Variants in RIMS2 observed in about 807,000 individuals in gnomAD.
RIMS2 encodes the protein regulating synaptic membrane exocytosis 2.
RIMS2 carries 59 observed loss-of-function variants against 174.4 expected under a neutral mutation model. That is an observed-to-expected ratio of 0.34 (90% CI 0.27 to 0.42). The LOEUF is 0.42. Ranked by LOEUF, RIMS2 falls within the 10% of genes least tolerant of loss-of-function variation. The probability of loss-of-function intolerance (pLI) is 1.00; values close to 1 mark genes in which losing one functional copy is unlikely to be tolerated. For missense variants in RIMS2, 1,620 were observed against 1,666.3 expected (o/e 0.97, Z 0.48); for synonymous variants, 606 against 572.5 (o/e 1.06, Z -0.84).
At chr8:103,743,540 C>A (rs1308774054) in intron 2 of RIMS2, among the ~76,000 whole-genome samples, 5 of 139,868 alleles carry the variant, frequency 3.6e-5, no homozygotes, top group African/African-American at 5.5e-5. Flanking sequence ...TCCTTTTTGT[C>A]ATATCGTATA....
At chr8:103,619,059 C>G (rs916023927) in intron 1 of RIMS2, among the ~76,000 whole-genome samples, 1 of 149,852 alleles carries the variant, frequency 6.7e-6, no homozygotes, top group African/African-American at 2.5e-5. Context: ...GATATGCTCC[C>G]CTATTACATG....
At chr8:103,808,043 A>G (rs766583392) in intron 3 of RIMS2, among the ~76,000 whole-genome samples, 2 of 152,108 alleles carry the variant, frequency 1.3e-5, no homozygotes, top group South Asian at 4.1e-4. Context: ...AGAGGCTAAG[A>G]AGATGTCTAT....
At chr8:103,814,921 T>C (rs2098709914) in intron 3 of RIMS2, among the ~76,000 whole-genome samples, 1 of 152,182 alleles carries the variant, frequency 6.6e-6, no homozygotes, top group African/African-American at 2.4e-5. Flanking sequence ...ACATGAAAAC[T>C]AATAATCTAC....
Position 103,602,989 on chromosome 8 carries a change from ATTTTTAT to A in RIMS2, c.177-94084_177-94078del, listed in dbSNP as rs932997808. Among the ~76,000 whole-genome samples the A allele has an allele frequency of 2.5e-4, 38 of 151,758 alleles. No homozygotes were observed. In the South Asian group the frequency reaches 3.1e-3, roughly 12 times the overall value. On this transcript the variant is annotated intron_variant, in intron 1 of 23. Transcript: ENST00000504942. ...GCATCTGTTATTTTTTGACTTTTTT[ATTTTTAT>A]TTTTTATTTTTTTATTATACTTTAA...
chr8:103,506,946 G>T (rs972903093), intron 1 of RIMS2, among the ~76,000 whole-genome samples: 1 of 152,098 alleles, frequency 6.6e-6, no homozygotes, highest in Non-Finnish European at 1.5e-5. Flanking sequence ...GAATTGAGGG[G>T]ACTTACTTGT....
At chr8:103,812,504 C>T (rs767527823) in intron 3 of RIMS2, among the ~76,000 whole-genome samples, 12 of 152,070 alleles carry the variant, frequency 7.9e-5, no homozygotes, top group Non-Finnish European at 1.5e-4. Context: ...GCCTCAGCTT[C>T]CCGAGTAGCT....
intron 22 of RIMS2, among the ~76,000 whole-genome samples, chr8:104,249,968 T>C (rs2140267533): frequency 6.6e-6 from 1 of 152,316 alleles, no homozygotes; most frequent in South Asian, 2.1e-4. Context: ...TCCATAAGTC[T>C]CTGGAATTAG....
chr8:104,108,450 C>T (rs1407622044), intron 19 of RIMS2, among the ~76,000 whole-genome samples: 1 of 151,810 alleles, frequency 6.6e-6, no homozygotes, highest in African/African-American at 2.4e-5. Context: ...CACCACCACA[C>T]CTGGCTATTT....
At chr8:103,737,071 C>G (rs1165229953) in intron 2 of RIMS2, among the ~76,000 whole-genome samples, 1 of 151,686 alleles carries the variant, frequency 6.6e-6, no homozygotes, top group Non-Finnish European at 1.5e-5. Flanking sequence ...TAATATGCAT[C>G]TCAAACTTAA....
At chr8:104,214,524 T>C (rs2099121003) in intron 19 of RIMS2, among the ~76,000 whole-genome samples, 1 of 152,136 alleles carries the variant, frequency 6.6e-6, no homozygotes, top group South Asian at 2.1e-4. Context: ...CTCGGTTCAC[T>C]GCAACCTCCA....
chr8:104,205,938 T>C (rs759800569), intron 19 of RIMS2, among the ~76,000 whole-genome samples: 1 of 152,042 alleles, frequency 6.6e-6, no homozygotes, highest in African/African-American at 2.4e-5. Flanking sequence ...ATATTTTTAG[T>C]AGAGAGGGGG....
intron 22 of RIMS2, 36 bp downstream of exon 28, chr8:104,249,624 A>T: frequency 8.4e-7 from 1 of 1,184,678 alleles, no homozygotes; most frequent in Middle Eastern, 1.9e-4. Flanking sequence ...TATTGTCCAT[A>T]ATCCATATTG....
intron 1 of RIMS2, among the ~76,000 whole-genome samples, chr8:103,629,760 C>T (rs1046071847): frequency 6.6e-6 from 1 of 151,266 alleles, no homozygotes; most frequent in African/African-American, 2.4e-5. Flanking sequence ...ATAACCAAAA[C>T]AAAAACCACA....
At chr8:103,945,913 T>C (rs964070498) in intron 14 of RIMS2, among the ~76,000 whole-genome samples, 1 of 152,140 alleles carries the variant, frequency 6.6e-6, no homozygotes, top group Non-Finnish European at 1.5e-5. Flanking sequence ...CCCTCTAATA[T>C]TGATAACTAG....
At chr8:103,531,408 A>T (rs939107464) in intron 1 of RIMS2, among the ~76,000 whole-genome samples, 1 of 152,222 alleles carries the variant, frequency 6.6e-6, no homozygotes, top group South Asian at 2.1e-4. Flanking sequence ...TAATCCAAAG[A>T]TTAAGGAAGA....
intron 19 of RIMS2, among the ~76,000 whole-genome samples, chr8:104,244,715 A>G (rs75044796): frequency 0.015 from 2,286 of 152,318 alleles, 62 homozygotes; most frequent in African/African-American, 0.052. Context: ...TTGTGCTTCT[A>G]CAGATTTTTT....
At chr8:103,669,087 T>C (rs1397054989) in intron 1 of RIMS2, among the ~76,000 whole-genome samples, 1 of 152,146 alleles carries the variant, frequency 6.6e-6, no homozygotes, top group African/African-American at 2.4e-5. Flanking sequence ...TTTAATGGAC[T>C]CATAGTTTGA....
intron 1 of RIMS2, among the ~76,000 whole-genome samples, chr8:103,630,457 GT>G (rs2095884491): frequency 6.6e-6 from 1 of 151,604 alleles, no homozygotes; most frequent in African/African-American, 2.4e-5. Context: ...AATAAAGGCA[GT>G]TTTAGAAACA....
intron 2 of RIMS2, among the ~76,000 whole-genome samples, chr8:103,749,930 C>T (rs573020219): frequency 1.3e-5 from 2 of 152,138 alleles, no homozygotes; most frequent in South Asian, 4.1e-4. Flanking sequence ...GTGATTGCTG[C>T]CTTCATAATA....
Sources: allele counts gnomAD v4.1 joint callset (sites outside exome capture counted in the v4.1 genomes callset), GRCh38; gene constraint gnomAD v4.1.1; transcripts MANE v1.5; gene names NCBI Gene and HGNC (gene_info 2026-07-23, HGNC 2026-07-21).